Variants in SMYD3 observed in about 807,000 individuals in gnomAD.
SMYD3 encodes the protein histone-lysine N-methyltransferase SMYD3.
In SMYD3, 36 loss-of-function variants were observed where a neutral mutation model predicts 57.7. The observed-to-expected ratio is 0.62, with a 90% CI of 0.48 to 0.82. SMYD3 has a LOEUF of 0.82. SMYD3 is among the 40% of genes least tolerant of loss of function. The pLI is 0.00. For synonymous variants in SMYD3, 211 were observed against 195.0 expected, an observed-to-expected ratio of 1.08 and a Z score of -0.68; for missense variants, 515 against 538.8, an observed-to-expected ratio of 0.96 and a Z score of 0.44.
intron 5 of SMYD3, among the ~76,000 whole-genome samples, chr1:246,126,107 C>T (rs775074572): frequency 3.3e-5 from 5 of 152,170 alleles, no homozygotes; most frequent in Admixed American, 6.5e-5. Context: ...TTACACACAG[C>T]GCAGTGCCGT....
intron 2 of SMYD3, among the ~76,000 whole-genome samples, chr1:246,349,597 G>T (rs1376503580): frequency 6.6e-6 from 1 of 151,998 alleles, no homozygotes; most frequent in African/African-American, 2.4e-5. Flanking sequence ...GACAGAGAGA[G>T]ATCCCATTTC....
intron 1 of SMYD3, among the ~76,000 whole-genome samples, chr1:246,409,475 G>A (rs1420303238): frequency 6.6e-6 from 1 of 152,132 alleles, no homozygotes; most frequent in African/African-American, 2.4e-5. Flanking sequence ...TGTCAAAGAT[G>A]AGATAGTTGT....
At chr1:246,030,331 T>C (rs970846648) in intron 5 of SMYD3, among the ~76,000 whole-genome samples, 1 of 152,172 alleles carries the variant, frequency 6.6e-6, no homozygotes, top group African/African-American at 2.4e-5. Flanking sequence ...AAAACAGATA[T>C]CACATATTCT....
intron 10 of SMYD3, 88 bp downstream of exon 10, chr1:245,858,408 T>C (rs1355996528): frequency 7.6e-7 from 1 of 1,319,336 alleles, no homozygotes; most frequent in East Asian, 2.5e-5. Flanking sequence ...CCATGCAAAG[T>C]AGTAATCAGA....
intron 1 of SMYD3, among the ~76,000 whole-genome samples, chr1:246,415,248 T>C (rs184892623): frequency 6.6e-6 from 1 of 152,342 alleles, no homozygotes; most frequent in East Asian, 1.9e-4. Context: ...AAGTGATCTT[T>C]TCTTCTCTGA....
intron 5 of SMYD3, among the ~76,000 whole-genome samples, chr1:246,170,883 T>C (rs2062318099): frequency 6.6e-6 from 1 of 152,244 alleles, no homozygotes; most frequent in African/African-American, 2.4e-5. Context: ...CTGCACTGTT[T>C]GTGACCGCTA....
chr1:246,060,837 C>T (rs560606995), intron 5 of SMYD3, among the ~76,000 whole-genome samples: 7 of 143,498 alleles, frequency 4.9e-5, no homozygotes, highest in Non-Finnish European at 9.0e-5. Context: ...ACAATACCAA[C>T]TGGTTTAGTG....
At chr1:245,902,926 C>T (rs559227934) in intron 8 of SMYD3, among the ~76,000 whole-genome samples, 2 of 152,152 alleles carry the variant, frequency 1.3e-5, no homozygotes, top group African/African-American at 2.4e-5. Context: ...CGTAAGGACA[C>T]GAGAAATGCG....
At chr1:246,452,565 A>G (rs2067647332) in intron 1 of SMYD3, among the ~76,000 whole-genome samples, 1 of 152,222 alleles carries the variant, frequency 6.6e-6, no homozygotes, top group South Asian at 2.1e-4. Flanking sequence ...AGTAATAGCA[A>G]TGAGAACTCA....
At chr1:245,804,394 A>G (rs2048036400) in intron 10 of SMYD3, among the ~76,000 whole-genome samples, 1 of 152,020 alleles carries the variant, frequency 6.6e-6, no homozygotes, top group Admixed American at 6.6e-5. Flanking sequence ...CATCCTGGCT[A>G]ATGTGGTGAA....
At chr1:245,876,365 G>A (rs527276039) in intron 8 of SMYD3, among the ~76,000 whole-genome samples, 10 of 152,152 alleles carry the variant, frequency 6.6e-5, no homozygotes, top group Admixed American at 1.3e-4. Flanking sequence ...GGCAGATACC[G>A]GTATCTTTTC....
At chr1:246,211,794 A>G (rs2063092862) in intron 5 of SMYD3, among the ~76,000 whole-genome samples, 1 of 152,120 alleles carries the variant, frequency 6.6e-6, no homozygotes. Flanking sequence ...AAGTGGTGGA[A>G]TCCAACAAGG....
chr1:245,914,240 T>A lies in SMYD3; in HGVS notation c.813+1290A>T, dbSNP rs564204711. Among the ~76,000 whole-genome samples, 94 of 152,350 alleles carry A rather than the reference T, an allele frequency of 6.2e-4. 1 individual carries two copies. Among genetic ancestry groups the A allele is most frequent in the African/African-American group, 2.0e-3 (82 of 41,594 alleles). On this transcript the variant is annotated intron_variant, in intron 8 of 11. Transcript: ENST00000490107. ...GTTCTCAAAAAACTAAAAATAGAAC[T>A]ACCATACAATCTAGCAATTACAGTA... is the stretch of plus-strand genomic sequence containing the variant.
At chr1:245,921,225 G>A (rs939308834) in intron 7 of SMYD3, among the ~76,000 whole-genome samples, 6 of 152,108 alleles carry the variant, frequency 3.9e-5, no homozygotes, top group South Asian at 2.1e-4. Flanking sequence ...AAACCACAAC[G>A]AGAAACCATC....
At chr1:246,164,590 T>G (rs2062174710) in intron 5 of SMYD3, among the ~76,000 whole-genome samples, 1 of 152,168 alleles carries the variant, frequency 6.6e-6, no homozygotes, top group Admixed American at 6.5e-5. Flanking sequence ...CGGGGGCATG[T>G]GAGTAACCAA....
intron 5 of SMYD3, among the ~76,000 whole-genome samples, chr1:246,009,404 A>G (rs1477786429): frequency 6.6e-6 from 1 of 152,184 alleles, no homozygotes; most frequent in Non-Finnish European, 1.5e-5. Flanking sequence ...TCCTAACTTT[A>G]ATGCATTTTT....
chr1:246,378,701 C>G (rs1311132653), intron 1 of SMYD3, among the ~76,000 whole-genome samples: 1 of 53,406 alleles, frequency 1.9e-5, no homozygotes, highest in African/African-American at 8.3e-5. Context: ...AATAAACTCC[C>G]CTTTATATAT....
intron 5 of SMYD3, among the ~76,000 whole-genome samples, chr1:246,078,303 T>C (rs2060580567): frequency 6.6e-6 from 1 of 152,098 alleles, no homozygotes; most frequent in African/African-American, 2.4e-5. Context: ...ATGGAGTTAT[T>C]GAGACTAAAG....
At chr1:246,286,029 A>G (rs1270198597) in intron 5 of SMYD3, among the ~76,000 whole-genome samples, 4 of 152,196 alleles carry the variant, frequency 2.6e-5, no homozygotes, top group Non-Finnish European at 5.9e-5. Flanking sequence ...GAACACTTCT[A>G]CACTGCTGGT....
Sources: allele counts gnomAD v4.1 joint callset (sites outside exome capture counted in the v4.1 genomes callset), GRCh38; gene constraint gnomAD v4.1.1; transcripts MANE v1.5; gene names NCBI Gene and HGNC (gene_info 2026-07-23, HGNC 2026-07-21).